DPP6: variants seen among roughly 807,000 people sequenced by gnomAD.
The protein encoded by DPP6 is dipeptidyl peptidase like 6.
In DPP6, 69 loss-of-function variants were observed where a neutral mutation model predicts 122.6. The observed-to-expected ratio is 0.56, with a 90% confidence interval of 0.46 to 0.69. The LOEUF (loss-of-function observed/expected upper bound fraction) is 0.69. DPP6 is among the 30% of genes least tolerant of loss of function. DPP6 has a pLI of 0.00. For synonymous variants in DPP6, 418 were observed against 433.1 expected, an observed-to-expected ratio of 0.97 and a Z score of 0.43; for missense variants, 928 against 1,116.9, an observed-to-expected ratio of 0.83 and a Z score of 2.41.
At chr7:153,903,961 A>C (rs1270389211) in intron 1 of DPP6, among the ~76,000 whole-genome samples, 3 of 152,208 alleles carry the variant, frequency 2.0e-5, no homozygotes, top group African/African-American at 7.2e-5. Flanking sequence ...ATGTGTGACA[A>C]GCAGAGAGTT....
At chr7:154,709,749 C>G (rs1841058920) in intron 7 of DPP6, among the ~76,000 whole-genome samples, 1 of 152,146 alleles carries the variant, frequency 6.6e-6, no homozygotes, top group African/African-American at 2.4e-5. Context: ...TTACCCAGCC[C>G]CATCTTTGTT....
At chr7:153,935,777 C>A (rs1181474269) in intron 1 of DPP6, among the ~76,000 whole-genome samples, 3 of 152,198 alleles carry the variant, frequency 2.0e-5, no homozygotes, top group Non-Finnish European at 4.4e-5. Context: ...CTCCCGTTCA[C>A]CTGACTCCAA....
intron 21 of DPP6, 127 bp downstream of exon 21, chr7:154,881,069 C>G: frequency 7.2e-7 from 1 of 1,381,244 alleles, no homozygotes; most frequent in South Asian, 1.9e-5. Flanking sequence ...TTTTTAAAAT[C>G]AAGAGCCTGG....
Position 154,637,739 on chromosome 7 carries a change from T to C in DPP6, c.628-82T>C, listed in dbSNP as rs922863643. 13 of 1,414,654 alleles carry C rather than the reference T, an allele frequency of 9.2e-6. No individual in the cohort carries two copies. The Admixed American group carries it at 1.4e-4, about 16-fold the overall frequency. 87.6% of individuals were successfully genotyped at this position (1,414,654 alleles called of 1,614,324 possible). A position where few individuals can be genotyped will look rare whatever the true frequency, so the allele number is the denominator to read the frequency against. Reference sequence around the variant, plus strand: ...CTGCTTTTGGTTCACTGATGTTTGTTAGGATTCACAGTGATTTGAAAAATA... The same window carrying C: ...CTGCTTTTGGTTCACTGATGTTTGTCAGGATTCACAGTGATTTGAAAAATA... On this transcript the variant is annotated intron_variant, in intron 5 of 25. Coordinates refer to ENST00000377770, the MANE Select transcript of DPP6 (RefSeq NM_130797.4).
the DPP6 span, among the ~76,000 whole-genome samples, chr7:153,861,928 A>T: frequency 2.0e-5 from 3 of 152,242 alleles, no homozygotes; most frequent in Admixed American, 6.5e-5. Context: ...CCAGGTAAAC[A>T]TCTCGATGAT....
At chr7:154,694,292 G>C (rs1206415249) in intron 7 of DPP6, among the ~76,000 whole-genome samples, 1 of 152,170 alleles carries the variant, frequency 6.6e-6, no homozygotes. Flanking sequence ...GGGAGGACAC[G>C]AACATTCAAT....
At chr7:154,681,698 C>T (rs1464244649) in intron 7 of DPP6, among the ~76,000 whole-genome samples, 1 of 152,190 alleles carries the variant, frequency 6.6e-6, no homozygotes, top group East Asian at 1.9e-4. Flanking sequence ...GTGGAGGGAA[C>T]ACCTCTTCAT....
chr7:154,059,166 G>A (rs1232363788), intron 1 of DPP6: 1 of 147,956 alleles, frequency 6.8e-6, no homozygotes, highest in Non-Finnish European at 1.5e-5. Context: ...TTCCGCCCCT[G>A]GCTGTTAATA....
intron 5 of DPP6, among the ~76,000 whole-genome samples, chr7:154,594,977 C>A (rs1347111794): frequency 1.3e-5 from 2 of 151,526 alleles, no homozygotes; most frequent in Non-Finnish European, 2.9e-5. Context: ...ATTCTGATGG[C>A]CTTTGTGGGT....
intron 1 of DPP6, among the ~76,000 whole-genome samples, chr7:154,019,661 G>C (rs1231973691): frequency 3.9e-5 from 6 of 152,166 alleles, no homozygotes; most frequent in Non-Finnish European, 7.3e-5. Context: ...AGTGAACATA[G>C]TCATTAAAGA....
At chr7:153,959,845 GCTAA>G (rs1212201720) in intron 1 of DPP6, among the ~76,000 whole-genome samples, 3 of 152,176 alleles carry the variant, frequency 2.0e-5, no homozygotes, top group Non-Finnish European at 2.9e-5. Flanking sequence ...TCACAACTTG[GCTAA>G]CTGTTTAGCA....
chr7:154,378,762 T>A (rs911512728), intron 1 of DPP6, among the ~76,000 whole-genome samples: 1 of 152,168 alleles, frequency 6.6e-6, no homozygotes, highest in Non-Finnish European at 1.5e-5. Flanking sequence ...TGACTCACAG[T>A]TCCGCATGGC....
At chr7:154,556,562 CCT>C (rs1830058834) in intron 4 of DPP6, among the ~76,000 whole-genome samples, 2 of 152,070 alleles carry the variant, frequency 1.3e-5, no homozygotes, top group African/African-American at 4.8e-5. Flanking sequence ...TGGATTAAAG[CCT>C]TAAATGTTTT....
chr7:154,459,946 T>C (rs1821146637), intron 2 of DPP6, among the ~76,000 whole-genome samples: 1 of 150,948 alleles, frequency 6.6e-6, no homozygotes, highest in Non-Finnish European at 1.5e-5. Context: ...CCATTTCTGA[T>C]TTAAGTCTTC....
chr7:154,421,329 TTC>T (rs1297607513), intron 1 of DPP6, among the ~76,000 whole-genome samples: 1 of 150,244 alleles, frequency 6.7e-6, no homozygotes, highest in African/African-American at 2.5e-5. Context: ...TTTTTTTTTT[TTC>T]CTTTTTTTGA....
intron 1 of DPP6, among the ~76,000 whole-genome samples, chr7:154,087,957 G>A (rs1200962326): frequency 6.6e-6 from 1 of 152,234 alleles, no homozygotes; most frequent in Non-Finnish European, 1.5e-5. Flanking sequence ...GGTGTTCACT[G>A]AATGCACAGA....
rs1434833967 is a variant in DPP6 at position 153,968,093 on chromosome 7, G to A, written c.51+80359G>A. 2.7e-5 allele frequency among the ~76,000 whole-genome samples: 4 copies of A among 149,852 alleles called. 1 individual carries two copies. The highest frequency in any genetic ancestry group is 5.1e-5 in the African/African-American group (2 of 39,244). ...TATATACCCAGTAGTGGGATTGCTG[G>A]GTCGAATGGTATTTCAACTCTTAGT... On this transcript the variant is annotated intron_variant, in intron 1 of 25. Transcript: ENST00000404039.
chr7:154,692,901 C>G (rs1308842226), intron 7 of DPP6, among the ~76,000 whole-genome samples: 1 of 151,916 alleles, frequency 6.6e-6, no homozygotes, highest in Non-Finnish European at 1.5e-5. Context: ...AGGTGTTCCT[C>G]CCATCTCAGC....
intron 5 of DPP6, among the ~76,000 whole-genome samples, chr7:154,574,766 G>T (rs1831404277): frequency 7.4e-6 from 1 of 135,434 alleles, no homozygotes; most frequent in African/African-American, 2.8e-5. Context: ...GTGTGTATAT[G>T]TGTGTGGTGC....
Sources: gnomAD v4.1 joint callset for allele counts (sites outside exome capture counted in the v4.1 genomes callset) on GRCh38, gnomAD v4.1.1 for gene constraint, MANE v1.5 for transcripts, NCBI Gene and HGNC (gene_info 2026-07-23, HGNC 2026-07-21) for gene names.